PCBP3: variants seen among roughly 807,000 people sequenced by gnomAD.
PCBP3 encodes poly(rC) binding protein 3.
PCBP3 carries 25 observed loss-of-function variants against 52.7 expected under a neutral mutation model. The ratio of observed to expected loss-of-function variants is 0.47; its 90% CI spans 0.35 to 0.66. The LOEUF (loss-of-function observed/expected upper bound fraction) is 0.66, where lower values mean the gene tolerates loss of function less well. PCBP3 is among the 30% of genes least tolerant of loss of function. PCBP3 has a pLI of 0.01. For synonymous variants in PCBP3, 162 were observed against 183.0 expected (o/e 0.89, Z 0.93); for missense variants, 391 against 490.3 (o/e 0.80, Z 1.91).
rs188672544 is a variant in PCBP3, at chr21:45,903,731, C to T, written c.339+2618C>T. ...ATATATAAGCAGATGAAAAATGAAACAAATCAGACAGAGGTCTTGTCAGGA... is the reference window on the plus strand; with the variant it reads ...ATATATAAGCAGATGAAAAATGAAATAAATCAGACAGAGGTCTTGTCAGGA... On this transcript the variant is annotated intron_variant, in intron 9 of 17. Transcript: ENST00000681687. Among the ~76,000 whole-genome samples, 247 of 152,252 alleles carry T rather than the reference C, an allele frequency of 1.6e-3. 1 individual carries two copies. Among genetic ancestry groups the T allele is most frequent in the Admixed American group, 5.5e-3 (84 of 15,302 alleles).
chr21:45,677,725 A>G (rs2081558399), intron 2 of PCBP3, among the ~76,000 whole-genome samples: 1 of 152,184 alleles, frequency 6.6e-6, no homozygotes, highest in South Asian at 2.1e-4. Flanking sequence ...GTGCTCATTT[A>G]CCATTCCAAA....
chr21:45,678,044 A>C (rs1423862166), intron 2 of PCBP3, among the ~76,000 whole-genome samples: 2 of 152,210 alleles, frequency 1.3e-5, no homozygotes, highest in African/African-American at 4.8e-5. Flanking sequence ...GTTACTACTT[A>C]AGAAACACAT....
At position 45,785,499 on chromosome 21, in the gene PCBP3, G is replaced by A. The variant is rs529663198; in HGVS notation, c.-126+30047G>A. ...AGCCCCCCGCCTGGCCAGCCGCCCC[G>A]TCCGGGAGGGGGGGGGGTCAGCCCC... On this transcript the variant is annotated intron_variant, in intron 4 of 17. Coordinates refer to ENST00000681687, the MANE Select transcript of PCBP3 (RefSeq NM_001384156.1). 4.7e-3 allele frequency among the ~76,000 whole-genome samples: 349 copies of A among 73,976 alleles called. 30 individuals are homozygous for A. Among genetic ancestry groups the A allele is most frequent in the African/African-American group, 0.03 (307 of 10,086 alleles). 48.5% of individuals were successfully genotyped at this position (73,976 alleles called of 152,430 possible). A position where few individuals can be genotyped will look rare whatever the true frequency, so the allele number is the denominator to read the frequency against.
chr21:45,796,545 A>G (rs1343609396), intron 4 of PCBP3, among the ~76,000 whole-genome samples: 1 of 151,340 alleles, frequency 6.6e-6, no homozygotes, highest in Non-Finnish European at 1.5e-5. Flanking sequence ...TGTTGTGTTT[A>G]TTTGGTCTTT....
At chr21:45,925,650 G>A (rs2075304195) in intron 13 of PCBP3, among the ~76,000 whole-genome samples, 1 of 151,862 alleles carries the variant, frequency 6.6e-6, no homozygotes, top group South Asian at 2.1e-4. Flanking sequence ...AAAGGCTAAG[G>A]AATATGCAAC....
At chr21:45,679,305 G>A (rs1378450884) in intron 2 of PCBP3, among the ~76,000 whole-genome samples, 1 of 151,958 alleles carries the variant, frequency 6.6e-6, no homozygotes, top group Non-Finnish European at 1.5e-5. Flanking sequence ...ATTTTTAGTA[G>A]AGACGAGGTT....
chr21:45,818,790 C>T (rs2093041794), intron 4 of PCBP3, among the ~76,000 whole-genome samples: 1 of 152,150 alleles, frequency 6.6e-6, no homozygotes, highest in African/African-American at 2.4e-5. Flanking sequence ...AATGAATACA[C>T]CAGTGGTGCA....
rs1008725662 is a variant in PCBP3, at chr21:45,827,294, C to T, written c.-125-22667C>T. Among the ~76,000 whole-genome samples, 6 of 152,150 alleles carry T rather than the reference C, an allele frequency of 3.9e-5. No homozygotes were observed. Among genetic ancestry groups the T allele is most frequent in the Admixed American group, 3.3e-4 (5 of 15,274 alleles). ...ACCTCTGCCCCCGCTGCGATGGTGT[C>T]GGAGGAGGCCGGTGAAAATGAGATA... is the stretch of plus-strand genomic sequence containing the variant. On this transcript the variant is annotated intron_variant, in intron 4 of 17. Transcript: ENST00000681687. The surrounding 1 kb of genome is among the most constrained non-coding windows in gnomAD (Gnocchi z 4.3).
At chr21:45,930,695 G>A (rs1162002232) in intron 14 of PCBP3, 91 bp from the exon 15 acceptor site, 14 of 673,830 alleles carry the variant, frequency 2.1e-5, no homozygotes, top group African/African-American at 1.6e-4. Flanking sequence ...CGGTGCGTGC[G>A]CCAGTCATAT....
At chr21:45,674,342 G>C (rs1381644563) in intron 2 of PCBP3, among the ~76,000 whole-genome samples, 1 of 152,144 alleles carries the variant, frequency 6.6e-6, no homozygotes, top group East Asian at 1.9e-4. Flanking sequence ...ATCTTCCAGA[G>C]CACTATACTT....
At chr21:45,801,641 T>C (rs2838998) in intron 4 of PCBP3, among the ~76,000 whole-genome samples, 27,578 of 152,180 alleles carry the variant, frequency 0.18, 2,631 homozygotes, top group Middle Eastern at 0.32. Flanking sequence ...TGTGACATAC[T>C]TGATTCAGTA....
intron 4 of PCBP3, among the ~76,000 whole-genome samples, chr21:45,824,720 C>T (rs570449342): frequency 4.6e-5 from 7 of 152,300 alleles, no homozygotes; most frequent in East Asian, 3.9e-4. Context: ...GTAGCAGTAA[C>T]GGTTCCACAT....
chr21:45,650,295 G>T (rs1207908993), intron 1 of PCBP3, among the ~76,000 whole-genome samples: 2 of 152,172 alleles, frequency 1.3e-5, no homozygotes, highest in Non-Finnish European at 2.9e-5. Flanking sequence ...CTGTGATCAT[G>T]CCTCTGCACT....
At chr21:45,660,654 A>G (rs2080329592) in intron 1 of PCBP3, among the ~76,000 whole-genome samples, 1 of 152,006 alleles carries the variant, frequency 6.6e-6, no homozygotes, top group East Asian at 1.9e-4. Context: ...TTTAGTTTGG[A>G]TTAGTACCAG....
chr21:45,738,000 T>C lies in PCBP3; in HGVS notation c.-162+2571T>C, dbSNP rs958185739. Among the ~76,000 whole-genome samples the C allele has an allele frequency of 1.3e-5, 2 of 152,140 alleles. No individual in the cohort carries two copies. Among genetic ancestry groups the C allele is most frequent in the African/African-American group, 4.8e-5 (2 of 41,418 alleles). On this transcript the variant is annotated intron_variant, in intron 3 of 17. Transcript: ENST00000681687. This position sits in a 1 kb window ranked among gnomAD's most constrained non-coding sequence, Gnocchi z 4.9. ...AGAGAGCGATGAATGTAGGCCTCCA[T>C]GGAGAAGCACAGGTGCCTTCCCTGG...
At chr21:45,794,019 C>G (rs1311111975) in intron 4 of PCBP3, among the ~76,000 whole-genome samples, 1 of 152,096 alleles carries the variant, frequency 6.6e-6, no homozygotes, top group African/African-American at 2.4e-5. Flanking sequence ...GTCTAAATCA[C>G]TGTTGGTGTA....
At chr21:45,884,603 C>T (rs771774152) in intron 5 of PCBP3, among the ~76,000 whole-genome samples, 12 of 152,182 alleles carry the variant, frequency 7.9e-5, no homozygotes, top group Non-Finnish European at 1.3e-4. Flanking sequence ...CTCTGTTGCC[C>T]AGGCTGGAGT....
At chr21:45,674,809 C>T (rs935705278) in intron 2 of PCBP3, among the ~76,000 whole-genome samples, 2 of 152,120 alleles carry the variant, frequency 1.3e-5, no homozygotes, top group African/African-American at 4.8e-5. Flanking sequence ...CGTAGATTCC[C>T]ATAGTGGTCT....
intron 5 of PCBP3, among the ~76,000 whole-genome samples, chr21:45,876,405 A>T (rs986742227): frequency 1.3e-5 from 2 of 152,192 alleles, no homozygotes; most frequent in Non-Finnish European, 2.9e-5. Flanking sequence ...CATCTTCCAG[A>T]CATGAGACCA....
Sources: gnomAD v4.1 joint callset for allele counts (sites outside exome capture counted in the v4.1 genomes callset) on GRCh38, gnomAD v4.1.1 for gene constraint, Gnocchi (gnomAD v3.1) non-coding constraint, MANE v1.5 for transcripts, NCBI Gene and HGNC (gene_info 2026-07-23, HGNC 2026-07-21) for gene names.